PROSER2: variants seen among roughly 807,000 people sequenced by gnomAD.
The protein encoded by PROSER2 is proline and serine rich 2, also known as proline and serine-rich protein 2.
PROSER2 carries 18 observed loss-of-function variants against 14.6 expected under a neutral mutation model. The observed-to-expected ratio is 1.23, with a 90% CI of 0.85 to 1.83. The LOEUF (loss-of-function observed/expected upper bound fraction) is 1.83, where lower values mean the gene tolerates loss of function less well. Ranked by LOEUF, PROSER2 falls within the 40% of genes most tolerant of loss-of-function variation. The pLI is 0.00. For missense variants in PROSER2, 823 were observed against 629.8 expected (o/e 1.31, Z -3.28); for synonymous variants, 367 against 286.4 (o/e 1.28, Z -2.84).
At chr10:11,863,986 C>T (rs2131089171) in intron 2 of PROSER2, among the ~76,000 whole-genome samples, 1 of 152,212 alleles carries the variant, frequency 6.6e-6, no homozygotes, top group South Asian at 2.1e-4. Context: ...CTGGGATTCC[C>T]TGCAGCTTTC....
intron 2 of PROSER2, among the ~76,000 whole-genome samples, chr10:11,858,182 G>A (rs375859326): frequency 2.6e-5 from 4 of 151,896 alleles, no homozygotes; most frequent in Non-Finnish European, 4.4e-5. Context: ...CTAGTGATTC[G>A]GCCTCTCAGA....
rs560449927 is a variant in PROSER2 at position 11,823,415 on chromosome 10, C to G, written c.-137C>G. On this transcript the variant is annotated 5_prime_UTR_variant, in exon 1 of 4. Coordinates refer to ENST00000277570, the MANE Select transcript of PROSER2 (RefSeq NM_153256.4). This position sits in a 1 kb window ranked among gnomAD's most constrained non-coding sequence, Gnocchi z 6.2. Reference sequence around the variant, plus strand: ...CGCCAGACGGGCGGCGGCGTGAGGGCTCCGGGTCGCTGGCGGCGTGGACAC... The same window carrying G: ...CGCCAGACGGGCGGCGGCGTGAGGGGTCCGGGTCGCTGGCGGCGTGGACAC... 1 of 154,278 alleles carries G rather than the reference C, an allele frequency of 6.5e-6. No homozygotes were observed. The highest frequency in any genetic ancestry group is 1.4e-5 in the Non-Finnish European group (1 of 69,994). 9.6% of individuals were successfully genotyped at this position (154,278 alleles called of 1,614,324 possible). A position where few individuals can be genotyped will look rare whatever the true frequency, so the allele number is the denominator to read the frequency against.
At position 11,870,415 on chromosome 10, in the gene PROSER2, C is replaced by G. The variant is rs1588503700; in HGVS notation, c.*9C>G. On this transcript the variant is annotated 3_prime_UTR_variant, in exon 4 of 4. Transcript: ENST00000277570. ...TCAGGGAGAGTTCGTGAGGGCCGCG[C>G]GGGCTCCAGTCCACCCCGTTTCTCC... The G allele has an allele frequency of 6.8e-7, 1 of 1,477,848 alleles. No homozygotes were observed. Among genetic ancestry groups the G allele is most frequent in the South Asian group, 1.3e-5 (1 of 74,436 alleles). 91.5% of individuals were successfully genotyped at this position (1,477,848 alleles called of 1,614,324 possible).
At chr10:11,863,890 A>G (rs992255532) in intron 2 of PROSER2, among the ~76,000 whole-genome samples, 3 of 152,276 alleles carry the variant, frequency 2.0e-5, no homozygotes, top group Non-Finnish European at 2.9e-5. Context: ...TTTTGCTTGC[A>G]TGGTTTCCTT....
At position 11,869,798 on chromosome 10, in the gene PROSER2, C is replaced by T. The variant is rs1034555580; in HGVS notation, c.700C>T (p.Arg234Cys). 4.8e-5 allele frequency: 74 copies of T among 1,555,992 alleles called. No individual in the cohort carries two copies. Among genetic ancestry groups the T allele is most frequent in the Non-Finnish European group, 6.2e-5 (71 of 1,152,758 alleles). Residue 234 changes from arginine (R) to cysteine (C), a missense_variant, in exon 4 of 4, where the codon CGC becomes TGC. Coordinates refer to ENST00000277570, the MANE Select transcript of PROSER2 (RefSeq NM_153256.4). This position sits in a 1 kb window ranked among gnomAD's most constrained non-coding sequence, Gnocchi z 4.4. ...GAGGACACCTGCCGCCCGGGGGCCC[C>T]GCAGTGGAGACCCTGGCCCGGGGCC... The part of the protein sequence containing the change: ...EWRTPAARGP[R>C]SGDPGPGPSH...
At position 11,866,857 on chromosome 10, in the gene PROSER2, G is replaced by A. The variant is rs1834359540; in HGVS notation, c.391+74G>A. ...TGAGACCCAGAGATACTTCTTTTGT[G>A]TTCCCCTGTGTTTGCCAGTAGAAGT... On this transcript the variant is annotated intron_variant, in intron 3 of 3. Transcript: ENST00000277570. This position sits in a 1 kb window ranked among gnomAD's most constrained non-coding sequence, Gnocchi z 6.0. 6.7e-7 allele frequency: 1 copy of A among 1,502,904 alleles called. No individual in the cohort carries two copies. Among genetic ancestry groups the A allele is most frequent in the Admixed American group, 2.1e-5 (1 of 48,108 alleles). The allele number at this position is 1,502,904 out of a possible 1,614,324, so 93.1% of individuals were successfully genotyped here.
At chr10:11,859,016 A>C (rs1164847365) in intron 2 of PROSER2, among the ~76,000 whole-genome samples, 1 of 102,016 alleles carries the variant, frequency 9.8e-6, no homozygotes, top group Non-Finnish European at 2.2e-5. Context: ...CTCAAAAAAA[A>C]AAAAAAAAAA....
At chr10:11,827,920 C>A in intron 1 of PROSER2, among the ~76,000 whole-genome samples, 1 of 151,862 alleles carries the variant, frequency 6.6e-6, no homozygotes, top group East Asian at 1.9e-4. Flanking sequence ...TCAAGCAGTC[C>A]CCCCACCTTA....
At chr10:11,860,162 G>A (rs917546729) in intron 2 of PROSER2, among the ~76,000 whole-genome samples, 6 of 152,198 alleles carry the variant, frequency 3.9e-5, no homozygotes, top group African/African-American at 1.4e-4. Context: ...TGGGACTCAG[G>A]GCACAAGGCC....
chr10:11,869,853 G>A lies in PROSER2; in HGVS notation c.755G>A (p.Arg252His). 1.3e-6 allele frequency: 2 copies of A among 1,590,590 alleles called. No individual in the cohort carries two copies. Among genetic ancestry groups the A allele is most frequent in the Non-Finnish European group, 8.5e-7 (1 of 1,170,802 alleles). ...PSHPAQPKAPRFPSNIIVTNG... is the reference protein window; with the variant it reads ...PSHPAQPKAPHFPSNIIVTNG... ...CACCCGGCGCAGCCCAAGGCACCCCGCTTCCCCAGCAACATCATCGTCACC... is the reference window on the plus strand; with the variant it reads ...CACCCGGCGCAGCCCAAGGCACCCCACTTCCCCAGCAACATCATCGTCACC... Residue 252 changes from arginine to histidine, a missense_variant, in exon 4 of 4, where the codon CGC becomes CAC. Transcript: ENST00000277570. This position sits in a 1 kb window ranked among gnomAD's most constrained non-coding sequence, Gnocchi z 4.4.
At chr10:11,854,642 C>G (rs547082663) in intron 2 of PROSER2, among the ~76,000 whole-genome samples, 1 of 149,834 alleles carries the variant, frequency 6.7e-6, no homozygotes, top group South Asian at 2.1e-4. Flanking sequence ...TTTGCAACCT[C>G]TGCCTCCTGG....
intron 2 of PROSER2, among the ~76,000 whole-genome samples, chr10:11,863,228 T>C (rs1351132584): frequency 6.6e-6 from 1 of 152,150 alleles, no homozygotes; most frequent in African/African-American, 2.4e-5. Flanking sequence ...CTTTCAACTA[T>C]AGTCTCTGAA....
intron 1 of PROSER2, among the ~76,000 whole-genome samples, chr10:11,839,965 T>C (rs1233433944): frequency 6.6e-6 from 1 of 151,914 alleles, no homozygotes; most frequent in Non-Finnish European, 1.5e-5. Context: ...TATTTATTTA[T>C]TTTTGAGACA....
rs1234860698 is a variant in PROSER2, at chr10:11,865,272, C to T, written c.139-1259C>T. 6.6e-6 allele frequency among the ~76,000 whole-genome samples: 1 copy of T among 150,906 alleles called. No homozygotes were observed. Among genetic ancestry groups the T allele is most frequent in the Non-Finnish European group, 1.5e-5 (1 of 67,790 alleles). ...TTATTTAGTTTTTCATTTTTTTGTG[C>T]TGTTAGTATTTTTTATTTATTTCTA... On this transcript the variant is annotated intron_variant, in intron 2 of 3. Transcript: ENST00000277570. This position sits in a 1 kb window ranked among gnomAD's most constrained non-coding sequence, Gnocchi z 4.2.
rs539954566 is a variant in PROSER2 at position 11,839,826 on chromosome 10, A to C, written c.-81-12171A>C. ...GGCAACAGAGTGAGATTGTCTCAAA[A>C]AAAAAAAAAAAAGACTTAAAATACA... is the stretch of plus-strand genomic sequence containing the variant. On this transcript the variant is annotated intron_variant, in intron 1 of 3. Coordinates refer to ENST00000277570, the MANE Select transcript of PROSER2 (RefSeq NM_153256.4). 2.0e-5 allele frequency among the ~76,000 whole-genome samples: 3 copies of C among 151,722 alleles called. No individual in the cohort carries two copies. In the South Asian group the frequency reaches 6.2e-4, roughly 31 times the overall value.
rs1834431845 is a variant in PROSER2 at position 11,869,790 on chromosome 10, G to A, written c.692G>A (p.Arg231Gln). 3 of 1,550,876 alleles carry A rather than the reference G, an allele frequency of 1.9e-6. No homozygotes were observed. The highest frequency in any genetic ancestry group is 2.6e-6 in the Non-Finnish European group (3 of 1,149,722). Residue 231 changes from arginine (R) to glutamine (Q), a missense_variant, in exon 4 of 4, where the codon CGG becomes CAG. Physicochemically the swap from Arg to Gln is conservative, Grantham distance 43. Coordinates refer to ENST00000277570, the MANE Select transcript of PROSER2 (RefSeq NM_153256.4). The surrounding 1 kb of genome is among the most constrained non-coding windows in gnomAD (Gnocchi z 4.4). Reference sequence around the variant, plus strand: ...GGGGAGTGGAGGACACCTGCCGCCCGGGGGCCCCGCAGTGGAGACCCTGGC... The same window carrying A: ...GGGGAGTGGAGGACACCTGCCGCCCAGGGGCCCCGCAGTGGAGACCCTGGC... ...RPGEWRTPAA[R>Q]GPRSGDPGPG... is the part of the protein sequence containing the mutation.
chr10:11,835,901 C>T (rs550244207), intron 1 of PROSER2, among the ~76,000 whole-genome samples: 14 of 152,188 alleles, frequency 9.2e-5, no homozygotes, highest in South Asian at 2.1e-4. Flanking sequence ...TGGTAGTGAG[C>T]GGGGTGATTC....
chr10:11,852,052 G>A lies in PROSER2; in HGVS notation c.-26G>A, dbSNP rs769506381. 16 of 1,573,834 alleles carry A rather than the reference G, an allele frequency of 1.0e-5. No homozygotes were observed. The South Asian group carries it at 1.0e-4, about 10-fold the overall frequency. ...GGCTCCTGCCCTGCTTCCTGTGATC[G>A]AGCCGGCCCTGAGGACTCTGTGGAG... On this transcript the variant is annotated 5_prime_UTR_variant, in exon 2 of 4. Coordinates refer to ENST00000277570, the MANE Select transcript of PROSER2 (RefSeq NM_153256.4).
intron 3 of PROSER2, among the ~76,000 whole-genome samples, chr10:11,867,952 G>C (rs1338027947): frequency 6.6e-6 from 1 of 152,202 alleles, no homozygotes; most frequent in African/African-American, 2.4e-5. Context: ...ACTGTCATTT[G>C]TCTTGAGCCA....
Sources: gnomAD v4.1 joint callset for allele counts (sites outside exome capture counted in the v4.1 genomes callset) on GRCh38, gnomAD v4.1.1 for gene constraint, Gnocchi (gnomAD v3.1) non-coding constraint, MANE v1.5 for transcripts, NCBI Gene and HGNC (gene_info 2026-07-23, HGNC 2026-07-21) for gene names.